SDK1: variants seen among roughly 807,000 people sequenced by gnomAD.
SDK1 encodes the protein protein sidekick-1.
Under a neutral mutation model 245.5 loss-of-function variants are expected in SDK1, and 157 were observed. That is an observed-to-expected ratio of 0.64 (90% confidence interval 0.56 to 0.73). The LOEUF (loss-of-function observed/expected upper bound fraction) is 0.73, where lower values mean the gene tolerates loss of function less well. Among genes scored for constraint, SDK1 ranks in the 30% least tolerant of loss-of-function variants. The pLI, the probability that SDK1 is intolerant of heterozygous loss-of-function variation, is 0.00. For missense variants in SDK1, 3,583 were observed against 3,002.3 expected (o/e 1.19, Z -4.52); for synonymous variants, 1,647 against 1,278.5 (o/e 1.29, Z -6.15).
intron 38 of SDK1, among the ~76,000 whole-genome samples, chr7:4,218,265 C>G (rs1401582458): frequency 2.0e-5 from 3 of 152,088 alleles, no homozygotes; most frequent in Non-Finnish European, 4.4e-5. Context: ...TGGTGGCATG[C>G]GCCTGTAATC....
At chr7:3,966,757 C>T (rs1782115090) in intron 9 of SDK1, among the ~76,000 whole-genome samples, 1 of 152,074 alleles carries the variant, frequency 6.6e-6, no homozygotes, top group Non-Finnish European at 1.5e-5. Flanking sequence ...ACGATCATCA[C>T]TCACTGCAGC....
At chr7:3,694,084 C>A (rs1211820439) in intron 4 of SDK1, among the ~76,000 whole-genome samples, 1 of 152,156 alleles carries the variant, frequency 6.6e-6, no homozygotes, top group Non-Finnish European at 1.5e-5. Context: ...TTATACCTGT[C>A]TTGCCCAAAA....
rs1009010995 is a variant in SDK1, at chr7:4,019,503, A to G, written c.2602+2151A>G. The stretch of plus-strand genomic sequence containing the variant: ...CCTCCATGTCCAAGTAGTCTTCTGG[A>G]TGGGGAAATTACTAAATTATGCATT... On this transcript the variant is annotated intron_variant, in intron 17 of 44. Transcript: ENST00000404826. Among the ~76,000 whole-genome samples the G allele has an allele frequency of 7.9e-5, 12 of 152,224 alleles. No homozygotes were observed. In the East Asian group the frequency reaches 2.3e-3, roughly 29 times the overall value.
intron 17 of SDK1, among the ~76,000 whole-genome samples, chr7:4,027,505 G>A (rs1346674771): frequency 6.6e-6 from 1 of 152,162 alleles, no homozygotes. Context: ...CCTGGCCCAG[G>A]AGGGCCTATG....
At chr7:3,892,175 T>G (rs1006662834) in intron 5 of SDK1, among the ~76,000 whole-genome samples, 1 of 152,262 alleles carries the variant, frequency 6.6e-6, no homozygotes, top group Non-Finnish European at 1.5e-5. Flanking sequence ...GTTTTTGTAA[T>G]GGCAGCCCTA....
At chr7:4,107,639 A>G (rs1783026304) in intron 22 of SDK1, among the ~76,000 whole-genome samples, 1 of 152,178 alleles carries the variant, frequency 6.6e-6, no homozygotes, top group African/African-American at 2.4e-5. Context: ...CCAGCATTCA[A>G]CACGGAGGCA....
Position 3,782,835 on chromosome 7 carries a change from T to C in SDK1, c.714-38615T>C, listed in dbSNP as rs115833095. Reference sequence around the variant, plus strand: ...TGAAAAATTCTAAGTTGAACTTTTATAAGTCAGGAATTGTCTGTACTTCCA... The same window carrying C: ...TGAAAAATTCTAAGTTGAACTTTTACAAGTCAGGAATTGTCTGTACTTCCA... On this transcript the variant is annotated intron_variant, in intron 4 of 44. Transcript: ENST00000404826. Among the ~76,000 whole-genome samples, 823 of 152,368 alleles carry C rather than the reference T, an allele frequency of 5.4e-3. 8 individuals carry two copies. Among genetic ancestry groups the C allele is most frequent in the African/African-American group, 0.018 (760 of 41,590 alleles).
intron 4 of SDK1, among the ~76,000 whole-genome samples, chr7:3,761,913 A>G (rs891987762): frequency 6.6e-6 from 1 of 152,212 alleles, no homozygotes; most frequent in African/African-American, 2.4e-5. Flanking sequence ...AGTGTGTTAA[A>G]TCCAGCCTTA....
intron 16 of SDK1, 118 bp downstream of exon 16, chr7:4,012,353 A>C (rs1171920998): frequency 1.2e-5 from 14 of 1,137,350 alleles, no homozygotes; most frequent in Non-Finnish European, 1.6e-5. Flanking sequence ...GAGTCAGGCC[A>C]GGTGTGAGAT....
chr7:3,413,269 A>G (rs1056366806), intron 1 of SDK1, among the ~76,000 whole-genome samples: 1 of 152,202 alleles, frequency 6.6e-6, no homozygotes, highest in Non-Finnish European at 1.5e-5. Context: ...CAAAGGGACT[A>G]TCATGAGCAG....
chr7:3,933,604 A>G lies in SDK1; in HGVS notation c.848-17319A>G, dbSNP rs962334452. The stretch of plus-strand genomic sequence containing the variant: ...TCTTCCTCAGAGTTCATGCTCCTCA[A>G]ACTTGAAATAAACAAGACACTGATT... On this transcript the variant is annotated intron_variant, in intron 5 of 44. Coordinates refer to ENST00000404826, the MANE Select transcript of SDK1 (RefSeq NM_152744.4). Among the ~76,000 whole-genome samples the G allele has an allele frequency of 2.0e-5, 3 of 152,188 alleles. No homozygotes were observed. In the South Asian group the frequency reaches 6.2e-4, roughly 31 times the overall value.
chr7:3,534,505 A>G (rs975033067), intron 1 of SDK1, among the ~76,000 whole-genome samples: 2 of 152,198 alleles, frequency 1.3e-5, no homozygotes, highest in African/African-American at 2.4e-5. Context: ...CCTAGAAACA[A>G]TATATAGCAT....
chr7:3,895,481 A>G (rs1252365700), intron 5 of SDK1, among the ~76,000 whole-genome samples: 1 of 152,206 alleles, frequency 6.6e-6, no homozygotes, highest in Non-Finnish European at 1.5e-5. Flanking sequence ...GGCTAGCCAC[A>G]TTTGACCACT....
intron 1 of SDK1, among the ~76,000 whole-genome samples, chr7:3,533,853 T>A (rs1046945211): frequency 6.6e-6 from 1 of 152,192 alleles, no homozygotes; most frequent in Non-Finnish European, 1.5e-5. Flanking sequence ...TTCCTTTTGC[T>A]TTCTTTGTTG....
intron 1 of SDK1, among the ~76,000 whole-genome samples, chr7:3,585,009 C>A (rs1242953440): frequency 6.6e-6 from 1 of 152,162 alleles, no homozygotes; most frequent in Non-Finnish European, 1.5e-5. Context: ...CAGACGTGAG[C>A]CACCGCGCCC....
intron 5 of SDK1, among the ~76,000 whole-genome samples, chr7:3,841,794 C>G (rs1780165706): frequency 6.6e-6 from 1 of 152,040 alleles, no homozygotes; most frequent in South Asian, 2.1e-4. Context: ...AACTCCTGAC[C>G]TCAGGTGATC....
chr7:3,990,328 C>CG (rs1056330250), intron 14 of SDK1, among the ~76,000 whole-genome samples: 2 of 152,202 alleles, frequency 1.3e-5, no homozygotes, highest in African/African-American at 4.8e-5. Context: ...TCTTCCCCTG[C>CG]GGGGGGCCTC....
intron 2 of SDK1, among the ~76,000 whole-genome samples, chr7:3,629,072 C>CACG (rs1230811804): frequency 6.6e-6 from 1 of 151,326 alleles, no homozygotes; most frequent in African/African-American, 2.4e-5. Context: ...ACGGGCAGAT[C>CACG]ACGAGGTCAG....
chr7:3,458,159 G>A (rs986858970), intron 1 of SDK1, among the ~76,000 whole-genome samples: 3 of 151,130 alleles, frequency 2.0e-5, no homozygotes, highest in Non-Finnish European at 4.4e-5. Context: ...ATTCGTTGAT[G>A]TGGCATGGTG....
Sources: gnomAD v4.1 joint callset for allele counts (sites outside exome capture counted in the v4.1 genomes callset) on GRCh38, gnomAD v4.1.1 for gene constraint, MANE v1.5 for transcripts, NCBI Gene and HGNC (gene_info 2026-07-23, HGNC 2026-07-21) for gene names.